PALLD: variants seen among roughly 807,000 people sequenced by gnomAD.
PALLD encodes palladin, cytoskeletal associated protein.
PALLD carries 61 observed loss-of-function variants against 123.5 expected under a neutral mutation model. That is an observed-to-expected ratio of 0.49 (90% CI 0.40 to 0.61). The LOEUF is 0.61. Ranked by LOEUF, PALLD falls within the 20% of genes least tolerant of loss-of-function variation. PALLD has a pLI of 0.00. For missense variants in PALLD, 1,273 were observed against 1,377.0 expected, an observed-to-expected ratio of 0.92 and a Z score of 1.20; for synonymous variants, 465 against 496.4, an observed-to-expected ratio of 0.94 and a Z score of 0.84.
At chr4:168,534,208 C>T (rs1313773716) in intron 2 of PALLD, among the ~76,000 whole-genome samples, 1 of 152,096 alleles carries the variant, frequency 6.6e-6, no homozygotes, top group African/African-American at 2.4e-5. Context: ...AATTCCTGAA[C>T]CAGGAATACC....
intron 10 of PALLD, among the ~76,000 whole-genome samples, chr4:168,786,322 G>A (rs62334299): frequency 0.15 from 22,404 of 151,804 alleles, 2,046 homozygotes; most frequent in Non-Finnish European, 0.21. Flanking sequence ...GTGAGACTCC[G>A]TCTCAAAGAA....
intron 6 of PALLD, among the ~76,000 whole-genome samples, chr4:168,690,249 C>T (rs1030485218): frequency 4.6e-5 from 7 of 152,196 alleles, no homozygotes; most frequent in African/African-American, 1.7e-4. Flanking sequence ...AAGAAATTCA[C>T]ATTCCACCTG....
chr4:168,860,146 A>G (rs1034289318), intron 10 of PALLD, among the ~76,000 whole-genome samples: 1 of 152,208 alleles, frequency 6.6e-6, no homozygotes, highest in South Asian at 2.1e-4. Flanking sequence ...AGAATTGATG[A>G]TAATTACTCT....
chr4:168,749,123 G>A (rs1730695076), intron 10 of PALLD, among the ~76,000 whole-genome samples: 1 of 152,060 alleles, frequency 6.6e-6, no homozygotes, highest in Non-Finnish European at 1.5e-5. Flanking sequence ...CTCGTTAAAA[G>A]TGTGTGGCAC....
chr4:168,914,161 C>T, intron 16 of PALLD, 140 bp downstream of exon 16: 1 of 681,852 alleles, frequency 1.5e-6, no homozygotes. Flanking sequence ...AAGCCTGTGG[C>T]TCCTTGATTA....
At chr4:168,672,805 A>C (rs556089374) in intron 3 of PALLD, among the ~76,000 whole-genome samples, 140 of 152,276 alleles carry the variant, frequency 9.2e-4, no homozygotes, top group African/African-American at 3.1e-3. Flanking sequence ...GTTCTCACTC[A>C]TATGTGAAAA....
chr4:168,924,827 C>T, intron 19 of PALLD, 118 bp from the exon 20 acceptor site: 1 of 973,238 alleles, frequency 1.0e-6, no homozygotes, highest in Non-Finnish European at 1.6e-6. Flanking sequence ...ATAAGTATGA[C>T]CCTATTATCA....
chr4:168,705,042 A>C (rs1290779065), intron 8 of PALLD, among the ~76,000 whole-genome samples: 4 of 150,332 alleles, frequency 2.7e-5, no homozygotes, highest in Non-Finnish European at 6.0e-5. Context: ...CTTATATTTC[A>C]AAAAATTTTT....
intron 3 of PALLD, among the ~76,000 whole-genome samples, chr4:168,673,371 G>A (rs1219344037): frequency 6.6e-6 from 1 of 152,224 alleles, no homozygotes; most frequent in Non-Finnish European, 1.5e-5. Context: ...GAAGGCTGGG[G>A]AAAGAGTGCT....
chr4:168,513,232 TAAGA>T (rs955908221), intron 2 of PALLD, among the ~76,000 whole-genome samples: 12 of 152,100 alleles, frequency 7.9e-5, no homozygotes, highest in African/African-American at 2.2e-4. Flanking sequence ...AGAACTTTCC[TAAGA>T]AAGAAAGATA....
chr4:168,737,429 C>T (rs756746639), intron 10 of PALLD, among the ~76,000 whole-genome samples: 1 of 152,076 alleles, frequency 6.6e-6, no homozygotes, highest in South Asian at 2.1e-4. Flanking sequence ...AAATTGTTGG[C>T]TATGTGAGTA....
At chr4:168,872,453 A>G (rs950262261) in intron 10 of PALLD, among the ~76,000 whole-genome samples, 22 of 152,242 alleles carry the variant, frequency 1.4e-4, no homozygotes, top group African/African-American at 5.3e-4. Context: ...AGGGCTTTGT[A>G]AAGAAACCTA....
At chr4:168,821,609 C>T (rs1014468599) in intron 10 of PALLD, among the ~76,000 whole-genome samples, 9 of 152,080 alleles carry the variant, frequency 5.9e-5, no homozygotes, top group Non-Finnish European at 7.4e-5. Flanking sequence ...GGTGCAGTAG[C>T]TCACGGCTGT....
At chr4:168,657,252 A>C (rs942792479) in intron 2 of PALLD, among the ~76,000 whole-genome samples, 1 of 152,354 alleles carries the variant, frequency 6.6e-6, no homozygotes, top group East Asian at 1.9e-4. Context: ...AGCTCTAAAA[A>C]GTTCTGTTTA....
At chr4:168,726,749 C>A (rs1261663992) in intron 10 of PALLD, among the ~76,000 whole-genome samples, 7 of 148,746 alleles carry the variant, frequency 4.7e-5, no homozygotes, top group African/African-American at 1.7e-4. Flanking sequence ...GATGCTGTCC[C>A]TTTAAAAAAA....
chr4:168,590,998 T>A (rs1276235541), intron 2 of PALLD, among the ~76,000 whole-genome samples: 1 of 144,868 alleles, frequency 6.9e-6, no homozygotes, highest in Non-Finnish European at 1.5e-5. Context: ...TCCTGCCTCA[T>A]CCTCCTGAGT....
intron 2 of PALLD, among the ~76,000 whole-genome samples, chr4:168,616,727 C>T (rs1006143142): frequency 3.9e-5 from 6 of 152,182 alleles, no homozygotes; most frequent in African/African-American, 1.2e-4. Context: ...GCTAAATCAG[C>T]ATCTCTAACA....
intron 2 of PALLD, among the ~76,000 whole-genome samples, chr4:168,581,785 T>A (rs1770307660): frequency 6.6e-6 from 1 of 151,456 alleles, no homozygotes; most frequent in Non-Finnish European, 1.5e-5. Context: ...ATTTAACTAT[T>A]TTTACTTTTG....
intron 10 of PALLD, among the ~76,000 whole-genome samples, chr4:168,768,936 C>T (rs543106716): frequency 1.1e-4 from 17 of 152,160 alleles, no homozygotes; most frequent in East Asian, 7.7e-4. Context: ...TCAAGCAATT[C>T]GCATGCCACA....
Sources: gnomAD v4.1 joint callset for allele counts (sites outside exome capture counted in the v4.1 genomes callset) on GRCh38, gnomAD v4.1.1 for gene constraint, MANE v1.5 for transcripts, NCBI Gene and HGNC (gene_info 2026-07-23, HGNC 2026-07-21) for gene names.